Variants in STAG1 observed in about 807,000 individuals in gnomAD.
The protein encoded by STAG1 is cohesin subunit SA-1.
A neutral mutation model predicts 170.9 loss-of-function variants in STAG1; 26 were observed. The observed-to-expected ratio is 0.15, with a 90% confidence interval of 0.11 to 0.21. STAG1 has a LOEUF of 0.21. Ranked by LOEUF, STAG1 falls within the 10% of genes least tolerant of loss-of-function variation. The pLI is 1.00. For missense variants in STAG1, 964 were observed against 1,509.5 expected (o/e 0.64, Z 5.99); for synonymous variants, 514 against 497.7 (o/e 1.03, Z -0.44).
At chr3:136,373,756 G>A (rs1165120714) in intron 23 of STAG1, among the ~76,000 whole-genome samples, 1 of 152,112 alleles carries the variant, frequency 6.6e-6, no homozygotes, top group Admixed American at 6.5e-5. Context: ...GCTGAGGATT[G>A]CTTTACTTCC....
intron 13 of STAG1, among the ~76,000 whole-genome samples, chr3:136,456,266 G>GA (rs1268436632): frequency 5.3e-5 from 8 of 151,906 alleles, no homozygotes; most frequent in Non-Finnish European, 1.2e-4. Flanking sequence ...AATCCAAATA[G>GA]AAAACTAAAT....
At chr3:136,630,560 C>T (rs983811211) in intron 2 of STAG1, among the ~76,000 whole-genome samples, 4 of 152,128 alleles carry the variant, frequency 2.6e-5, no homozygotes, top group African/African-American at 7.2e-5. Context: ...TGGCTCTCAT[C>T]CAAAATTTTA....
chr3:136,443,770 G>T (rs747337832), intron 14 of STAG1, among the ~76,000 whole-genome samples: 1 of 82,852 alleles, frequency 1.2e-5, no homozygotes, highest in South Asian at 5.3e-4. Flanking sequence ...TTTTTTAAAG[G>T]AAATTAATAA....
At chr3:136,490,256 G>A (rs2090098809) in intron 9 of STAG1, among the ~76,000 whole-genome samples, 2 of 152,026 alleles carry the variant, frequency 1.3e-5, no homozygotes, top group African/African-American at 4.8e-5. Flanking sequence ...GGCTAGGCTG[G>A]TCTCGAACTC....
chr3:136,574,118 A>G (rs1233970392), intron 4 of STAG1, among the ~76,000 whole-genome samples: 5 of 150,872 alleles, frequency 3.3e-5, no homozygotes, highest in Admixed American at 6.6e-5. Flanking sequence ...GCACGCGCCT[A>G]TAGTCCCAGC....
intron 29 of STAG1, among the ~76,000 whole-genome samples, chr3:136,345,455 GTTTTTTTTTTT>G (rs34593330): frequency 1.0e-5 from 1 of 99,276 alleles, no homozygotes; most frequent in African/African-American, 4.5e-5. Context: ...TTACCTAGTT[GTTTTTTTTTTT>G]TTTTTTTTTT....
intron 22 of STAG1, among the ~76,000 whole-genome samples, chr3:136,395,990 A>T (rs2087136893): frequency 6.6e-6 from 1 of 151,710 alleles, no homozygotes; most frequent in Non-Finnish European, 1.5e-5. Flanking sequence ...TGCAACCTCT[A>T]GCTCCCAGGT....
intron 29 of STAG1, among the ~76,000 whole-genome samples, chr3:136,346,020 T>C (rs569271132): frequency 3.6e-4 from 55 of 152,342 alleles, no homozygotes; most frequent in African/African-American, 1.1e-3. Context: ...ATAAAAAGAT[T>C]ATTATCACTT....
At chr3:136,486,680 C>CAG (rs1311783559) in intron 9 of STAG1, among the ~76,000 whole-genome samples, 2 of 152,134 alleles carry the variant, frequency 1.3e-5, no homozygotes, top group African/African-American at 4.8e-5. Flanking sequence ...AGTGACTACT[C>CAG]AGTATGGTAA....
At chr3:136,382,647 G>A (rs1042713979) in intron 22 of STAG1, among the ~76,000 whole-genome samples, 18 of 151,996 alleles carry the variant, frequency 1.2e-4, no homozygotes, top group African/African-American at 3.9e-4. Flanking sequence ...CTGACCTTAG[G>A]TGATCTACCC....
At chr3:136,736,960 T>C in intron 1 of STAG1, 1 of 1,597,678 alleles carries the variant, frequency 6.3e-7, no homozygotes, top group Admixed American at 1.7e-5. Context: ...AAAAGCCTTT[T>C]GTGCTCTGTC....
intron 3 of STAG1, among the ~76,000 whole-genome samples, chr3:136,622,865 T>C (rs1939928278): frequency 6.6e-6 from 1 of 152,180 alleles, no homozygotes; most frequent in Non-Finnish European, 1.5e-5. Flanking sequence ...GCAGCAAGTC[T>C]TAACTAACTA....
intron 8 of STAG1, among the ~76,000 whole-genome samples, chr3:136,500,663 C>T (rs1366091994): frequency 3.9e-5 from 6 of 152,124 alleles, no homozygotes; most frequent in Non-Finnish European, 5.9e-5. Flanking sequence ...AAAGGAACAT[C>T]CCTAATTAAC....
chr3:136,379,348 G>A (rs553661620), intron 22 of STAG1, among the ~76,000 whole-genome samples: 5 of 152,168 alleles, frequency 3.3e-5, no homozygotes, highest in African/African-American at 4.8e-5. Context: ...CATGTAAGCT[G>A]AGTCCTGAAG....
intron 1 of STAG1, among the ~76,000 whole-genome samples, chr3:136,680,322 T>A (rs1199107915): frequency 2.0e-5 from 3 of 152,180 alleles, no homozygotes; most frequent in African/African-American, 7.2e-5. Flanking sequence ...CCCTCCAAGC[T>A]GTTATTAGTG....
chr3:136,488,695 T>C (rs1323200999), intron 9 of STAG1, among the ~76,000 whole-genome samples: 3 of 152,196 alleles, frequency 2.0e-5, no homozygotes, highest in Non-Finnish European at 4.4e-5. Flanking sequence ...TCTTCTGTGA[T>C]TCCTATTATT....
At chr3:136,366,810 A>T (rs922881455) in intron 25 of STAG1, 133 bp downstream of exon 25, 7 of 636,240 alleles carry the variant, frequency 1.1e-5, no homozygotes, top group African/African-American at 1.1e-4. Context: ...CTTATATAAG[A>T]GAAACTTTAT....
chr3:136,511,965 C>T (rs1191669836), intron 7 of STAG1, among the ~76,000 whole-genome samples: 1 of 151,468 alleles, frequency 6.6e-6, no homozygotes, highest in Non-Finnish European at 1.5e-5. Context: ...CTAAGAAAAA[C>T]AAGCACTGGG....
intron 6 of STAG1, among the ~76,000 whole-genome samples, chr3:136,528,553 A>G (rs552621061): frequency 4.8e-5 from 7 of 146,728 alleles, no homozygotes; most frequent in Admixed American, 3.4e-4. Flanking sequence ...TTTATTCTAA[A>G]GAAGCTCAGT....
Sources: allele counts gnomAD v4.1 joint callset (sites outside exome capture counted in the v4.1 genomes callset), GRCh38; gene constraint gnomAD v4.1.1; transcripts MANE v1.5; gene names NCBI Gene and HGNC (gene_info 2026-07-23, HGNC 2026-07-21).